The following RHOV variants were observed in gnomAD, a reference collection of about 807,000 sequenced individuals.
The protein encoded by RHOV is rho-related GTP-binding protein RhoV.
RHOV carries 6 observed loss-of-function variants against 20.2 expected under a neutral mutation model. The observed-to-expected ratio is 0.30, with a 90% CI of 0.16 to 0.59. The LOEUF (loss-of-function observed/expected upper bound fraction) is 0.59. Ranked by LOEUF, RHOV falls within the 20% of genes least tolerant of loss-of-function variation. RHOV has a pLI of 0.89. For missense variants in RHOV, 275 were observed against 319.4 expected (o/e 0.86, Z 1.06); for synonymous variants, 136 against 142.3 (o/e 0.96, Z 0.31).
chr15:40,873,627 T>C, intron 2 of RHOV, 57 bp downstream of exon 2: 1 of 1,598,510 alleles, frequency 6.3e-7, no homozygotes, highest in Non-Finnish European at 8.6e-7. Context: ...TATGGGGTCC[T>C]CCCAGCCTCC....
rs1266790505 is a variant in RHOV, at chr15:40,872,914, G to T, written c.*144C>A. 3 of 635,040 alleles carry T rather than the reference G, an allele frequency of 4.7e-6. No homozygotes were observed. The highest frequency in any genetic ancestry group is 5.6e-5 in the Admixed American group (2 of 35,474). 39.3% of individuals were successfully genotyped at this position (635,040 alleles called of 1,614,324 possible). On this transcript the variant is annotated 3_prime_UTR_variant, in exon 3 of 3. Transcript: ENST00000220507. ...GGCATATCAGAGTGGGCAGTTAGAG[G>T]CCCATGTCCCCCGAGTGTTCAGAAG...
rs867463553 is a variant in RHOV, at chr15:40,872,963, C to G, written c.*95G>C. ...AGGGAACTGAGTCCTATGAGGTGGC[C>G]AGGCCCTGCCAGTAGCTGCCGCAAA... On this transcript the variant is annotated 3_prime_UTR_variant, in exon 3 of 3. Coordinates refer to ENST00000220507, the MANE Select transcript of RHOV (RefSeq NM_133639.4). 5.5e-6 allele frequency: 5 copies of G among 907,038 alleles called. No homozygotes were observed. Among genetic ancestry groups the G allele is most frequent in the African/African-American group, 4.9e-5 (3 of 60,714 alleles). 56.2% of individuals were successfully genotyped at this position (907,038 alleles called of 1,614,324 possible). A position where few individuals can be genotyped will look rare whatever the true frequency, so the allele number is the denominator to read the frequency against.
Position 40,873,453 on chromosome 15 carries a change from A to G in RHOV, c.316T>C (p.Phe106Leu). The G allele has an allele frequency of 6.2e-7, 1 of 1,605,250 alleles. No homozygotes were observed. The highest frequency in any genetic ancestry group is 8.5e-7 in the Non-Finnish European group (1 of 1,175,844). Reference protein sequence around the residue: ...RSLCYPDTDVFLACFSVVQPS... With the variant: ...RSLCYPDTDVLLACFSVVQPS... ...TGCACCACGCTGAAGCACGCCAGGA[A>G]GACATCGGTATCCGGGTAGCAAAGG... is the stretch of plus-strand genomic sequence containing the variant. The change falls in exon 3 of 3, where the codon TTC becomes CTC. Residue 106 changes from phenylalanine to leucine, a missense_variant. Coordinates refer to ENST00000220507, the MANE Select transcript of RHOV (RefSeq NM_133639.4).
rs1432661870 is a variant in RHOV at position 40,873,173 on chromosome 15, T to A, written c.596A>T (p.Asp199Val). ...LTQKNLKEVF[D>V]SAILSAIEHK... Reference sequence around the variant, plus strand: ...CTCAATGGCACTGAGAATAGCCGAGTCAAATACTTCCTTCAAGTTCTTCTG... The same window carrying A: ...CTCAATGGCACTGAGAATAGCCGAGACAAATACTTCCTTCAAGTTCTTCTG... The change falls in exon 3 of 3, where the codon GAC becomes GTC. Residue 199 changes from aspartate (D) to valine (V), a missense_variant. Asp to Val is a radical substitution (Grantham distance 152). Transcript: ENST00000220507. The A allele has an allele frequency of 1.2e-6, 2 of 1,614,184 alleles. No homozygotes were observed. Among genetic ancestry groups the A allele is most frequent in the Middle Eastern group, 1.6e-4 (1 of 6,062 alleles).
At chr15:40,873,874 C>A in intron 1 of RHOV, 58 bp downstream of exon 1, 3 of 1,556,882 alleles carry the variant, frequency 1.9e-6, no homozygotes. Flanking sequence ...CGCCCCAGCT[C>A]CCCGGTGCAC....
intron 1 of RHOV, 23 bp downstream of exon 1, chr15:40,873,909 C>G: frequency 6.3e-7 from 1 of 1,596,214 alleles, no homozygotes; most frequent in African/African-American, 1.3e-5. Context: ...CACGCGGCCG[C>G]ACGGGCGATT....
intron 1 of RHOV, 63 bp from the exon 2 acceptor site, chr15:40,873,805 C>T: frequency 6.3e-7 from 1 of 1,577,652 alleles, no homozygotes; most frequent in South Asian, 1.1e-5. Flanking sequence ...ACCAGCGCCA[C>T]CTCGGGGCCT....
rs1891926099 is a variant in RHOV, at chr15:40,874,037, C to T, written c.103G>A (p.Val35Met). Residue 35 changes from valine (V) to methionine (M), a missense_variant, in exon 1 of 3, where the codon GTG (valine) becomes ATG (methionine). Coordinates refer to ENST00000220507, the MANE Select transcript of RHOV (RefSeq NM_133639.4). Reference sequence around the variant, plus strand: ...CCCACGGCGCCGTCGCCCACCAGCACGCACTTGATGCCCAGCTCTGGGGGC... The same window carrying T: ...CCCACGGCGCCGTCGCCCACCAGCATGCACTTGATGCCCAGCTCTGGGGGC... ...SAPPELGIKC[V>M]LVGDGAVGKS... The T allele has an allele frequency of 1.3e-6, 2 of 1,599,420 alleles. No homozygotes were observed. Among genetic ancestry groups the T allele is most frequent in the Non-Finnish European group, 1.7e-6 (2 of 1,174,598 alleles).
Sources: gnomAD v4.1 joint callset for allele counts on GRCh38, gnomAD v4.1.1 for gene constraint, MANE v1.5 for transcripts, NCBI Gene and HGNC (gene_info 2026-07-23, HGNC 2026-07-21) for gene names.